Variants in KIR3DL1 observed in about 807,000 individuals in gnomAD.
KIR3DL1 encodes the protein killer cell immunoglobulin like receptor, three Ig domains and long cytoplasmic tail 1.
Under a neutral mutation model 40.3 loss-of-function variants are expected in KIR3DL1, and 50 were observed. That is an observed-to-expected ratio of 1.24 (90% CI 0.99 to 1.57). KIR3DL1 has a LOEUF of 1.57. Ranked by LOEUF, KIR3DL1 falls within the 40% of genes most tolerant of loss-of-function variation. The probability of loss-of-function intolerance (pLI) is 0.00; values close to 1 mark genes in which losing one functional copy is unlikely to be tolerated. For synonymous variants in KIR3DL1, 257 were observed against 207.2 expected, an observed-to-expected ratio of 1.24 and a Z score of -2.07; for missense variants, 661 against 559.9, an observed-to-expected ratio of 1.18 and a Z score of -1.82.
intron 4 of KIR3DL1, 81 bp downstream of exon 4, chr19:54,820,093 T>C: frequency 2.1e-6 from 3 of 1,440,678 alleles, no homozygotes; most frequent in Non-Finnish European, 2.9e-6. Context: ...CAGGTGGTCA[T>C]GAGGAAGATA....
At chr19:54,828,571 C>G (rs1181838448) in intron 6 of KIR3DL1, among the ~76,000 whole-genome samples, 1 of 151,010 alleles carries the variant, frequency 6.6e-6, no homozygotes, top group Non-Finnish European at 1.5e-5. Context: ...TGCAGTGTAG[C>G]TGGGGGAAGC....
chr19:54,823,852 G>T (rs1469425614), intron 5 of KIR3DL1, among the ~76,000 whole-genome samples: 2 of 151,596 alleles, frequency 1.3e-5, no homozygotes, highest in African/African-American at 4.9e-5. Context: ...CTCTGATGAT[G>T]AGTGATGCCG....
chr19:54,818,648 C>T (rs2061479473), intron 3 of KIR3DL1, 49 bp downstream of exon 3: 2 of 1,577,516 alleles, frequency 1.3e-6, no homozygotes, highest in African/African-American at 1.4e-5. Flanking sequence ...TCCTGAATCC[C>T]AGAGCTTCTG....
chr19:54,818,493 C>G (rs2148071824), exon 3 of KIR3DL1: 1 of 1,610,954 alleles, frequency 6.2e-7, no homozygotes, highest in African/African-American at 1.4e-5. Flanking sequence ...TCAACATGAG[C>G]CCTGTGACCA....
intron 5 of KIR3DL1, among the ~76,000 whole-genome samples, chr19:54,822,442 T>A (rs898078021): frequency 1.3e-5 from 2 of 150,842 alleles, no homozygotes; most frequent in African/African-American, 4.9e-5. Context: ...CTGGCCAACA[T>A]GTGGGAAATT....
chr19:54,816,870 G>C (rs1294661053), intron 1 of KIR3DL1, among the ~76,000 whole-genome samples: 1 of 101,676 alleles, frequency 9.8e-6, no homozygotes, highest in East Asian at 3.4e-4. Context: ...GAAGTGGAGC[G>C]ATGGGCCTGG....
chr19:54,821,814 A>G (rs2061655624), exon 5 of KIR3DL1: 1 of 1,605,150 alleles, frequency 6.2e-7, no homozygotes, highest in Non-Finnish European at 8.5e-7. Flanking sequence ...CACTCTCCCT[A>G]CGAGTGGTCA....
intron 3 of KIR3DL1, among the ~76,000 whole-genome samples, chr19:54,819,125 A>T (rs2061504552): frequency 6.6e-6 from 1 of 151,262 alleles, no homozygotes; most frequent in Non-Finnish European, 1.5e-5. Flanking sequence ...CCTTGATTTC[A>T]GCACAGGGAG....
chr19:54,828,489 G>T (rs1394687037), intron 6 of KIR3DL1, among the ~76,000 whole-genome samples: 1 of 151,094 alleles, frequency 6.6e-6, no homozygotes, highest in Non-Finnish European at 1.5e-5. Flanking sequence ...GACAACAGAA[G>T]CCTACATTTC....
At chr19:54,825,217 C>G in intron 6 of KIR3DL1, 139 bp downstream of exon 6, 2 of 758,248 alleles carry the variant, frequency 2.6e-6, no homozygotes, top group Non-Finnish European at 4.6e-6. Context: ...GACACTCCAA[C>G]AGTGAAAGGG....
intron 5 of KIR3DL1, among the ~76,000 whole-genome samples, chr19:54,823,760 G>A (rs1409843686): frequency 2.6e-5 from 4 of 151,554 alleles, no homozygotes; most frequent in South Asian, 2.1e-4. Flanking sequence ...CTGAAGTGCC[G>A]GAATTACAGG....
chr19:54,824,261 G>A (rs796704454), intron 5 of KIR3DL1, among the ~76,000 whole-genome samples: 18 of 151,432 alleles, frequency 1.2e-4, no homozygotes, highest in African/African-American at 4.1e-4. Flanking sequence ...TTTGATTTTT[G>A]TGTATGGTGA....
exon 9 of KIR3DL1, chr19:54,830,455 C>T: frequency 1.3e-6 from 1 of 774,568 alleles, no homozygotes; most frequent in Non-Finnish European, 2.1e-6. Flanking sequence ...ATGTCTAGGT[C>T]CCCACTGCCT....
chr19:54,829,989 T>A lies in KIR3DL1; in HGVS notation c.1158+9T>A. On this transcript the variant is annotated intron_variant, in intron 8 of 8. Coordinates refer to ENST00000391728, the Ensembl canonical transcript of KIR3DL1. ...GAACAGCCAACAGCGAGGTAGGTGCTCCTCGGCCCAGCCTCGTGGCTAGTG... is the reference window on the plus strand; with the variant it reads ...GAACAGCCAACAGCGAGGTAGGTGCACCTCGGCCCAGCCTCGTGGCTAGTG... 6.5e-7 allele frequency: 1 copy of A among 1,528,550 alleles called. No homozygotes were observed. The allele number at this position is 1,528,550 out of a possible 1,614,324, so 94.7% of individuals were successfully genotyped here. A position where few individuals can be genotyped will look rare whatever the true frequency, so the allele number is the denominator to read the frequency against.
exon 3 of KIR3DL1, chr19:54,818,547 C>A (rs760868943): frequency 6.2e-7 from 1 of 1,611,576 alleles, no homozygotes; most frequent in African/African-American, 1.4e-5. Context: ...CACACCCACA[C>A]TCCCCCACTG....
chr19:54,819,593 C>CG, intron 3 of KIR3DL1, 120 bp from the exon 4 acceptor site: 5 of 1,218,210 alleles, frequency 4.1e-6, no homozygotes, highest in Non-Finnish European at 4.6e-6. Context: ...AGAAAAGACA[C>CG]GGAGATGCAG....
At chr19:54,824,684 AC>A (rs199654642) in intron 5 of KIR3DL1, among the ~76,000 whole-genome samples, 30,025 of 137,850 alleles carry the variant, frequency 0.22, 3,276 homozygotes, top group South Asian at 0.33. Context: ...ACACACACAC[AC>A]AAAAAAAGCC....
chr19:54,820,159 C>G, intron 4 of KIR3DL1, 147 bp downstream of exon 4: 3 of 853,992 alleles, frequency 3.5e-6, no homozygotes, highest in Non-Finnish European at 5.5e-6. Flanking sequence ...CCAACAGAGA[C>G]AGAGAAACAG....
intron 4 of KIR3DL1, among the ~76,000 whole-genome samples, chr19:54,821,223 T>TG (rs2061616399): frequency 3.5e-5 from 4 of 114,642 alleles, no homozygotes; most frequent in Admixed American, 2.9e-4. Flanking sequence ...ACAAAATAGA[T>TG]AAATAGATAG....
Sources: allele counts gnomAD v4.1 joint callset (sites outside exome capture counted in the v4.1 genomes callset), GRCh38; gene constraint gnomAD v4.1.1; transcripts MANE v1.5; gene names NCBI Gene and HGNC (gene_info 2026-07-23, HGNC 2026-07-21).